Variants in NRXN3 observed in about 807,000 individuals in gnomAD.
NRXN3 encodes neurexin 3.
A neutral mutation model predicts 137.6 loss-of-function variants in NRXN3; 32 were observed. The observed-to-expected ratio is 0.23, with a 90% CI of 0.18 to 0.31. The LOEUF is 0.31. NRXN3 is among the 10% of genes least tolerant of loss of function. The pLI is 1.00. For synonymous variants in NRXN3, 798 were observed against 784.5 expected (o/e 1.02, Z -0.29); for missense variants, 1,574 against 2,062.5 (o/e 0.76, Z 4.59).
At chr14:78,506,322 A>C (rs2095989783) in intron 4 of NRXN3, among the ~76,000 whole-genome samples, 1 of 152,182 alleles carries the variant, frequency 6.6e-6, no homozygotes, top group African/African-American at 2.4e-5. Flanking sequence ...AATAATAGTC[A>C]TGCTTGGATG....
intron 4 of NRXN3, among the ~76,000 whole-genome samples, chr14:78,401,571 C>G (rs1332119534): frequency 6.6e-6 from 1 of 152,164 alleles, no homozygotes; most frequent in Non-Finnish European, 1.5e-5. Context: ...TTATAAGGCA[C>G]TAGTTGGGTC....
intron 16 of NRXN3, among the ~76,000 whole-genome samples, chr14:79,471,550 GA>G (rs1489371996): frequency 1.3e-5 from 2 of 152,136 alleles, no homozygotes; most frequent in African/African-American, 2.4e-5. Context: ...GCAAGTCCTG[GA>G]ATGATTTATC....
intron 15 of NRXN3, among the ~76,000 whole-genome samples, chr14:79,450,481 A>G (rs2096149149): frequency 1.3e-5 from 2 of 152,348 alleles, no homozygotes; most frequent in South Asian, 4.1e-4. Flanking sequence ...TGTGTTAATT[A>G]GCTTGATTTA....
At chr14:78,318,443 C>A (rs1323618793) in intron 4 of NRXN3, among the ~76,000 whole-genome samples, 1 of 152,130 alleles carries the variant, frequency 6.6e-6, no homozygotes, top group Admixed American at 6.5e-5. Flanking sequence ...CTGAGGCAGC[C>A]CTCTAGTCTC....
chr14:78,801,951 G>A (rs76512546), intron 8 of NRXN3, among the ~76,000 whole-genome samples: 3,093 of 152,168 alleles, frequency 0.02, 105 homozygotes, highest in African/African-American at 0.07. Flanking sequence ...TGTGCATTCT[G>A]TGTCTCCCTT....
intron 15 of NRXN3, among the ~76,000 whole-genome samples, chr14:79,161,551 G>T (rs1407356672): frequency 6.6e-6 from 1 of 151,986 alleles, no homozygotes; most frequent in African/African-American, 2.4e-5. Context: ...AAGATTGAAA[G>T]AAAAGGCAAA....
At chr14:79,348,603 T>G (rs968874915) in intron 15 of NRXN3, among the ~76,000 whole-genome samples, 1 of 152,128 alleles carries the variant, frequency 6.6e-6, no homozygotes, top group African/African-American at 2.4e-5. Flanking sequence ...GGTCTGGATC[T>G]CCTGACCTCG....
intron 16 of NRXN3, among the ~76,000 whole-genome samples, chr14:79,619,477 A>T (rs2098198056): frequency 6.6e-6 from 1 of 152,028 alleles, no homozygotes; most frequent in African/African-American, 2.4e-5. Flanking sequence ...TCCTTTCCCC[A>T]TTGCTTGTGA....
chr14:78,867,283 G>T (rs2099089415), intron 10 of NRXN3, among the ~76,000 whole-genome samples: 1 of 152,060 alleles, frequency 6.6e-6, no homozygotes, highest in South Asian at 2.1e-4. Flanking sequence ...CCAGGGTCTT[G>T]GTTTCAAGTC....
chr14:79,085,596 G>C (rs1451613138), intron 15 of NRXN3, among the ~76,000 whole-genome samples: 1 of 152,052 alleles, frequency 6.6e-6, no homozygotes, highest in Non-Finnish European at 1.5e-5. Flanking sequence ...TTCATTTCTA[G>C]CATTAACTTA....
intron 16 of NRXN3, among the ~76,000 whole-genome samples, chr14:79,651,544 A>G (rs2098476070): frequency 6.6e-6 from 1 of 152,168 alleles, no homozygotes; most frequent in Non-Finnish European, 1.5e-5. Flanking sequence ...ACAGGAAAAA[A>G]AAAGAATTGT....
Position 79,130,446 on chromosome 14 carries a change from T to A in NRXN3, c.3262+142305T>A, listed in dbSNP as rs1286009728. Among the ~76,000 whole-genome samples the A allele has an allele frequency of 3.6e-3, 548 of 152,176 alleles. 3 individuals are homozygous for A. The highest frequency in any genetic ancestry group is 0.013 in the African/African-American group (526 of 41,508). On this transcript the variant is annotated intron_variant, in intron 15 of 20. Coordinates refer to ENST00000335750, the MANE Select transcript of NRXN3 (RefSeq NM_001330195.2). ...TTCTCCTTCACTTATGAAGCTTAGT[T>A]TGGCTGGATATGAAATTCTGGGTTG... is the stretch of plus-strand genomic sequence containing the variant.
At chr14:78,271,142 G>A (rs900676580) in intron 2 of NRXN3, among the ~76,000 whole-genome samples, 21 of 152,294 alleles carry the variant, frequency 1.4e-4, no homozygotes, top group African/African-American at 4.8e-4. Flanking sequence ...CATATTTATT[G>A]TAGTACTTAC....
At chr14:78,236,982 G>C (rs139034354) in intron 1 of NRXN3, among the ~76,000 whole-genome samples, 110 of 152,308 alleles carry the variant, frequency 7.2e-4, no homozygotes, top group African/African-American at 2.6e-3. Context: ...TAATGGTGTG[G>C]TGTCTGGAGG....
chr14:78,247,071 T>C (rs1326707945), intron 2 of NRXN3, among the ~76,000 whole-genome samples: 1 of 152,236 alleles, frequency 6.6e-6, no homozygotes, highest in Non-Finnish European at 1.5e-5. Flanking sequence ...CGAGGGCCTC[T>C]GCAGCTTCAG....
At chr14:79,240,308 C>T (rs2074069423) in intron 15 of NRXN3, among the ~76,000 whole-genome samples, 1 of 152,034 alleles carries the variant, frequency 6.6e-6, no homozygotes, top group African/African-American at 2.4e-5. Context: ...TGCACTCCTG[C>T]CCCCACCCCA....
At chr14:78,790,201 C>T (rs1012420462) in intron 8 of NRXN3, among the ~76,000 whole-genome samples, 11 of 152,286 alleles carry the variant, frequency 7.2e-5, no homozygotes, top group Admixed American at 5.2e-4. Context: ...AGAAGGTATA[C>T]ATTTATAAAC....
At chr14:79,224,697 G>A (rs2070486923) in intron 15 of NRXN3, among the ~76,000 whole-genome samples, 1 of 152,100 alleles carries the variant, frequency 6.6e-6, no homozygotes, top group Non-Finnish European at 1.5e-5. Flanking sequence ...AATCTGACTT[G>A]TATCCTTATA....
chr14:79,601,770 A>G (rs2097924631), intron 16 of NRXN3, among the ~76,000 whole-genome samples: 1 of 152,174 alleles, frequency 6.6e-6, no homozygotes, highest in Non-Finnish European at 1.5e-5. Flanking sequence ...TGGGCCATAT[A>G]AAATAAATGA....
Sources: gnomAD v4.1 joint callset for allele counts (sites outside exome capture counted in the v4.1 genomes callset) on GRCh38, gnomAD v4.1.1 for gene constraint, MANE v1.5 for transcripts, NCBI Gene and HGNC (gene_info 2026-07-23, HGNC 2026-07-21) for gene names.